Variants in ZNF236 observed in about 807,000 individuals in gnomAD.
The protein encoded by ZNF236 is regulated by glucose.
ZNF236 carries 50 observed loss-of-function variants against 191.2 expected under a neutral mutation model. The observed-to-expected ratio is 0.26, with a 90% CI of 0.21 to 0.33. The LOEUF (loss-of-function observed/expected upper bound fraction) is 0.33, where lower values mean the gene tolerates loss of function less well. Among genes scored for constraint, ZNF236 ranks in the 10% least tolerant of loss-of-function variants. The probability of loss-of-function intolerance (pLI) is 1.00; values close to 1 mark genes in which losing one functional copy is unlikely to be tolerated. For synonymous variants in ZNF236, 907 were observed against 928.8 expected, an observed-to-expected ratio of 0.98 and a Z score of 0.43; for missense variants, 1,754 against 2,374.5, an observed-to-expected ratio of 0.74 and a Z score of 5.43.
At chr18:76,948,417 T>G (rs1007367963) in intron 27 of ZNF236, among the ~76,000 whole-genome samples, 13 of 152,318 alleles carry the variant, frequency 8.5e-5, no homozygotes, top group Admixed American at 7.8e-4. Flanking sequence ...AATTTCAGTT[T>G]GTATAACTTT....
intron 25 of ZNF236, chr18:76,936,066 G>A (rs1189155674): frequency 2.2e-6 from 1 of 457,090 alleles, no homozygotes; most frequent in Admixed American, 2.3e-5. Context: ...CGACAAGTAA[G>A]TAACCTAGTT....
intron 30 of ZNF236, among the ~76,000 whole-genome samples, chr18:76,966,318 A>T (rs760854289): frequency 2.0e-5 from 3 of 151,798 alleles, no homozygotes; most frequent in Non-Finnish European, 4.4e-5. Context: ...GAAGTTGGCT[A>T]TGGACTGCCC....
chr18:76,827,299 C>T (rs895370361), intron 1 of ZNF236, among the ~76,000 whole-genome samples: 21 of 152,182 alleles, frequency 1.4e-4, no homozygotes, highest in African/African-American at 4.8e-4. Context: ...GATTCTCCTG[C>T]CTCAGCCTCC....
At chr18:76,879,849 G>A (rs1976827461) in intron 7 of ZNF236, among the ~76,000 whole-genome samples, 1 of 152,048 alleles carries the variant, frequency 6.6e-6, no homozygotes. Context: ...GAGGGTTCAC[G>A]TGCTCAATCT....
At chr18:76,850,522 C>T (rs1383663216) in intron 2 of ZNF236, among the ~76,000 whole-genome samples, 2 of 152,032 alleles carry the variant, frequency 1.3e-5, no homozygotes, top group African/African-American at 4.8e-5. Flanking sequence ...AGCAGAATAC[C>T]TTCCATTATG....
chr18:76,830,355 T>G (rs1975134116), intron 1 of ZNF236, among the ~76,000 whole-genome samples: 1 of 152,198 alleles, frequency 6.6e-6, no homozygotes, highest in Non-Finnish European at 1.5e-5. Flanking sequence ...CTCCTCTTGA[T>G]ATTTGGGTTA....
chr18:76,945,445 A>G (rs1250322680), intron 26 of ZNF236, among the ~76,000 whole-genome samples: 1 of 152,272 alleles, frequency 6.6e-6, no homozygotes, highest in Non-Finnish European at 1.5e-5. Context: ...AGCAATATTC[A>G]ATCAACTTCT....
chr18:76,955,948 A>T, intron 27 of ZNF236, 37 bp from the exon 28 acceptor site: 1 of 1,585,932 alleles, frequency 6.3e-7, no homozygotes, highest in African/African-American at 1.3e-5. Context: ...AAATCAAGCC[A>T]AGTGAGTGGA....
At chr18:76,947,381 G>A (rs1968288353) in intron 26 of ZNF236, 140 bp from the exon 27 acceptor site, 1 of 1,009,512 alleles carries the variant, frequency 9.9e-7, no homozygotes, top group Non-Finnish European at 1.4e-6. Flanking sequence ...GGGTTGCTGG[G>A]TTACATGGTG....
At chr18:76,855,589 T>A (rs1976019174) in intron 3 of ZNF236, among the ~76,000 whole-genome samples, 1 of 152,256 alleles carries the variant, frequency 6.6e-6, no homozygotes, top group Non-Finnish European at 1.5e-5. Context: ...TTATATTGTT[T>A]AAATGTGTAT....
chr18:76,838,065 A>G (rs756452880), intron 1 of ZNF236, among the ~76,000 whole-genome samples: 1 of 152,204 alleles, frequency 6.6e-6, no homozygotes, highest in Non-Finnish European at 1.5e-5. Context: ...ATACCTTTGC[A>G]TTGTTGGGCA....
intron 22 of ZNF236, among the ~76,000 whole-genome samples, chr18:76,926,209 G>T (rs1280349153): frequency 1.3e-5 from 2 of 152,198 alleles, no homozygotes; most frequent in Admixed American, 6.5e-5. Flanking sequence ...GACAGTGTGT[G>T]TGTATGGTAT....
In ZNF236 at chr18:76,899,358, G is replaced by A. The variant is rs1201812192; in HGVS notation, c.1894+136G>A. ...ATAGTATTAATGAAGTCTGTGTTAA[G>A]CCTTGTTTTGCTTTATGGACTAGTA... On this transcript the variant is annotated intron_variant, in intron 11 of 30. Coordinates refer to ENST00000320610, the MANE Select transcript of ZNF236 (RefSeq NM_001306089.2). 8.0e-6 allele frequency: 6 copies of A among 749,324 alleles called. No homozygotes were observed. In the Admixed American group the frequency reaches 1.5e-4, roughly 19 times the overall value. The allele number at this position is 749,324 out of a possible 1,614,324, so 46.4% of individuals were successfully genotyped here. A position where few individuals can be genotyped will look rare whatever the true frequency, so the allele number is the denominator to read the frequency against.
At chr18:76,882,230 C>T (rs1395330007) in intron 9 of ZNF236, among the ~76,000 whole-genome samples, 2 of 152,256 alleles carry the variant, frequency 1.3e-5, no homozygotes, top group Admixed American at 6.5e-5. Flanking sequence ...AAATCTTGGC[C>T]GTCATTCAAG....
At chr18:76,956,611 T>A (rs892547339) in intron 28 of ZNF236, among the ~76,000 whole-genome samples, 2 of 152,204 alleles carry the variant, frequency 1.3e-5, no homozygotes, top group African/African-American at 4.8e-5. Context: ...GGACCAGCCC[T>A]GAAGATGCCC....
intron 1 of ZNF236, among the ~76,000 whole-genome samples, chr18:76,848,719 G>GCAGTGGT (rs1975774033): frequency 6.6e-6 from 1 of 152,194 alleles, no homozygotes; most frequent in African/African-American, 2.4e-5. Context: ...AGACTGGGGT[G>GCAGTGGT]CAGTGGTGGG....
rs763897065 is a variant in ZNF236, at chr18:76,908,579, T to G, written c.2551+6T>G. Reference sequence around the variant, plus strand: ...GCCCCTGGAAGCAGATGAAGGTAAATGTTTCAGGATATTTAACTTTGAGTG... The same window carrying G: ...GCCCCTGGAAGCAGATGAAGGTAAAGGTTTCAGGATATTTAACTTTGAGTG... On this transcript the variant is annotated splice_donor_region_variant and intron_variant, in intron 14 of 30. Transcript: ENST00000320610. 1.9e-6 allele frequency: 3 copies of G among 1,595,480 alleles called. No homozygotes were observed. Among genetic ancestry groups the G allele is most frequent in the Non-Finnish European group, 2.6e-6 (3 of 1,171,002 alleles).
At chr18:76,841,950 C>T (rs1009130644) in intron 1 of ZNF236, among the ~76,000 whole-genome samples, 1 of 152,162 alleles carries the variant, frequency 6.6e-6, no homozygotes, top group Non-Finnish European at 1.5e-5. Flanking sequence ...CTGCCTGCCT[C>T]AGCCTCCCAA....
At chr18:76,961,520 A>G (rs114664836) in intron 30 of ZNF236, among the ~76,000 whole-genome samples, 5,331 of 152,052 alleles carry the variant, frequency 0.035, 322 homozygotes, top group African/African-American at 0.12. Flanking sequence ...TGCGTGTGCA[A>G]GTGTCTTTTT....
Sources: gnomAD v4.1 joint callset for allele counts (sites outside exome capture counted in the v4.1 genomes callset) on GRCh38, gnomAD v4.1.1 for gene constraint, MANE v1.5 for transcripts, NCBI Gene and HGNC (gene_info 2026-07-23, HGNC 2026-07-21) for gene names.